PIK3AP1: variants seen among roughly 807,000 people sequenced by gnomAD.
The protein encoded by PIK3AP1 is phosphoinositide-3-kinase adaptor protein 1, also known as phosphoinositide 3-kinase adapter protein 1.
Under a neutral mutation model 88.1 loss-of-function variants are expected in PIK3AP1, and 21 were observed. The ratio of observed to expected loss-of-function variants is 0.24; its 90% CI spans 0.17 to 0.34. The LOEUF (loss-of-function observed/expected upper bound fraction) is 0.34. Among genes scored for constraint, PIK3AP1 ranks in the 10% least tolerant of loss-of-function variants. The pLI is 1.00. For missense variants in PIK3AP1, 828 were observed against 1,035.7 expected (o/e 0.80, Z 2.75); for synonymous variants, 398 against 400.0 (o/e 1.00, Z 0.06).
chr10:96,632,200 G>A (rs950700098), intron 8 of PIK3AP1, among the ~76,000 whole-genome samples: 6 of 152,116 alleles, frequency 3.9e-5, no homozygotes, highest in Admixed American at 3.3e-4. Flanking sequence ...AAAGGAGCAC[G>A]GAACAGAAAA....
intron 2 of PIK3AP1, 57 bp from the exon 3 acceptor site, chr10:96,656,991 G>A: frequency 1.3e-6 from 2 of 1,585,056 alleles, no homozygotes; most frequent in South Asian, 2.2e-5. Context: ...CTGTGGACAT[G>A]TTCCACCCCA....
intron 8 of PIK3AP1, among the ~76,000 whole-genome samples, chr10:96,639,566 T>C (rs551028196): frequency 1.4e-4 from 21 of 152,344 alleles, no homozygotes; most frequent in Admixed American, 1.0e-3. Context: ...TAAGTCCCTA[T>C]GTCCCCAACA....
At chr10:96,641,120 T>C (rs201752355) in intron 8 of PIK3AP1, among the ~76,000 whole-genome samples, 20,942 of 111,392 alleles carry the variant, frequency 0.19, 1,570 homozygotes, top group Admixed American at 0.28. Context: ...TGTGTGTGTG[T>C]GTGTGCGTGT....
chr10:96,608,317 T>C (rs936749908), intron 14 of PIK3AP1, among the ~76,000 whole-genome samples: 11 of 152,218 alleles, frequency 7.2e-5, no homozygotes, highest in African/African-American at 2.4e-4. Context: ...TTCTGCCACC[T>C]GTGATCCCTG....
At chr10:96,649,511 C>T (rs745531508) in intron 6 of PIK3AP1, among the ~76,000 whole-genome samples, 7 of 152,212 alleles carry the variant, frequency 4.6e-5, no homozygotes, top group Admixed American at 2.0e-4. Context: ...AACTTCTCTG[C>T]AAAGTTCAGA....
rs191750186 is a variant in PIK3AP1 at position 96,676,592 on chromosome 10, G to T, written c.431-19658C>A. 2.6e-5 allele frequency among the ~76,000 whole-genome samples: 4 copies of T among 150,956 alleles called. No individual in the cohort carries two copies. The East Asian group carries it at 7.8e-4, about 29-fold the overall frequency. On this transcript the variant is annotated intron_variant, in intron 2 of 16. Transcript: ENST00000339364. ...TACCTCTTTCACTGTTGCCTTAGAGGCCTTTTTTCCAACTCCCTTTTCCAA... is the reference window on the plus strand; with the variant it reads ...TACCTCTTTCACTGTTGCCTTAGAGTCCTTTTTTCCAACTCCCTTTTCCAA...
intron 9 of PIK3AP1, among the ~76,000 whole-genome samples, chr10:96,627,639 C>G (rs764347753): frequency 2.6e-5 from 4 of 152,162 alleles, no homozygotes; most frequent in East Asian, 1.9e-4. Flanking sequence ...CTTTCTATAT[C>G]TACTTGATCA....
intron 2 of PIK3AP1, among the ~76,000 whole-genome samples, chr10:96,686,686 C>A (rs944662503): frequency 6.6e-6 from 1 of 152,130 alleles, no homozygotes; most frequent in East Asian, 1.9e-4. Flanking sequence ...CTACTTTATG[C>A]CCCGACCATC....
At position 96,616,640 on chromosome 10, in the gene PIK3AP1, T is replaced by A; in HGVS notation, c.2013A>T (p.Thr671=). The A allele has an allele frequency of 1.2e-6, 2 of 1,614,098 alleles. No homozygotes were observed. The highest frequency in any genetic ancestry group is 1.7e-6 in the Non-Finnish European group (2 of 1,179,928). ...QREKQKSGKQ[T]DLEITVPIRH... ...GCAGCACCCTAGGAAGCCACATACC[T>A]GTCTGCTTTCCTGATTTTTGCTTCT... The change falls in exon 13 of 17, where the codon ACA becomes ACT. Residue 671 remains threonine (T), a splice_region_variant and synonymous_variant. Transcript: ENST00000339364.
At chr10:96,632,971 C>T in intron 8 of PIK3AP1, 3 of 1,612,864 alleles carry the variant, frequency 1.9e-6, no homozygotes, top group South Asian at 1.1e-5. Context: ...GAGAGCTGGT[C>T]TTCCTTTGAG....
rs3979613 is a variant in PIK3AP1, at chr10:96,693,441, G to GTGGATGGATGGATGGATGGATGGA, written c.430+16102_430+16125dup. 5.2e-3 allele frequency among the ~76,000 whole-genome samples: 786 copies of GTGGATGGATGGATGGATGGATGGA among 150,640 alleles called. 13 individuals are homozygous for GTGGATGGATGGATGGATGGATGGA. Among genetic ancestry groups the GTGGATGGATGGATGGATGGATGGA allele is most frequent in the African/African-American group, 0.018 (728 of 40,844 alleles). On this transcript the variant is annotated intron_variant, in intron 2 of 16. Transcript: ENST00000339364. ...GATGAATAGTTGGATAGATAGATGAGTGGATGGATGGATGGATGGATGGAT... is the reference window on the plus strand; with the variant it reads ...GATGAATAGTTGGATAGATAGATGAGTGGATGGATGGATGGATGGATGGATGGATGGATGGATGGATGGATGGAT...
rs34912752 is a variant in PIK3AP1 at position 96,642,425 on chromosome 10, C to CA, written c.1375+3047dup. Among the ~76,000 whole-genome samples, 634 of 98,912 alleles carry CA rather than the reference C, an allele frequency of 6.4e-3. 15 individuals carry two copies. Among genetic ancestry groups the CA allele is most frequent in the African/African-American group, 0.021 (572 of 27,398 alleles). 64.9% of individuals were successfully genotyped at this position (98,912 alleles called of 152,430 possible). A position where few individuals can be genotyped will look rare whatever the true frequency, so the allele number is the denominator to read the frequency against. On this transcript the variant is annotated intron_variant, in intron 8 of 16. Coordinates refer to ENST00000339364, the MANE Select transcript of PIK3AP1 (RefSeq NM_152309.3). ...TGAGCAATAGAGCCAGATGTTGTCTCAAAAAAAAAAAAAAAAAACAGAAAG... is the reference window on the plus strand; with the variant it reads ...TGAGCAATAGAGCCAGATGTTGTCTCAAAAAAAAAAAAAAAAAAACAGAAAG...
chr10:96,709,633 G>T lies in PIK3AP1; in HGVS notation c.364C>A (p.Gln122Lys). 1 of 1,614,210 alleles carries T rather than the reference G, an allele frequency of 6.2e-7. No homozygotes were observed. Among genetic ancestry groups the T allele is most frequent in the Non-Finnish European group, 8.5e-7 (1 of 1,180,032 alleles). ...LDFFPDWAHW[Q>K]ELTCDDEPET... ...GGCTCATCGTCACAGGTGAGCTCCT[G>T]CCAATGGGCCCAATCTGGAAAGAAG... is the stretch of plus-strand genomic sequence containing the variant. Residue 122 changes from glutamine to lysine, a missense_variant, in exon 2 of 17, where the codon CAG becomes AAG. Physicochemically the swap from Gln to Lys is moderately conservative, Grantham distance 53. This residue lies in a region of PIK3AP1 where 610 missense variants were observed against 760.1 expected (regional missense o/e 0.80). Transcript: ENST00000339364.
At chr10:96,679,527 CA>C (rs767346365) in intron 2 of PIK3AP1, among the ~76,000 whole-genome samples, 218 of 134,554 alleles carry the variant, frequency 1.6e-3, no homozygotes, top group African/African-American at 2.2e-3. Flanking sequence ...GACTCCGTCT[CA>C]AAAAAAAAAA....
chr10:96,718,890 C>G (rs977299673), intron 1 of PIK3AP1, among the ~76,000 whole-genome samples: 1 of 152,124 alleles, frequency 6.6e-6, no homozygotes, highest in Admixed American at 6.5e-5. Context: ...GGCCTACTCC[C>G]TTTCCTTTAA....
intron 2 of PIK3AP1, among the ~76,000 whole-genome samples, chr10:96,708,574 C>CAAAAAAAAAAAA (rs924470384): frequency 6.2e-4 from 8 of 12,816 alleles, no homozygotes; most frequent in East Asian, 2.4e-3. Flanking sequence ...GGATCTGTCT[C>CAAAAAAAAAAAA]AAAAAAAAAA....
chr10:96,615,863 C>T (rs1246950898), intron 13 of PIK3AP1, among the ~76,000 whole-genome samples: 3 of 152,114 alleles, frequency 2.0e-5, no homozygotes, highest in African/African-American at 7.2e-5. Flanking sequence ...GGAGAGAGAC[C>T]GTGGAAGCTG....
At chr10:96,635,977 G>C (rs897213437) in intron 8 of PIK3AP1, among the ~76,000 whole-genome samples, 1 of 151,652 alleles carries the variant, frequency 6.6e-6, no homozygotes, top group Admixed American at 6.6e-5. Flanking sequence ...GGAGGCCGAG[G>C]GGGGTGGATC....
At position 96,709,797 on chromosome 10, in the gene PIK3AP1, A is replaced by T; in HGVS notation, c.200T>A (p.Val67Asp). Reference sequence around the variant, plus strand: ...CAGCTCCGCGGACAGCAGCACCACGACACAGCGGGTGCTGAGGAAAAGGCT... The same window carrying T: ...CAGCTCCGCGGACAGCAGCACCACGTCACAGCGGGTGCTGAGGAAAAGGCT... ...DLSLFLSTRC[V>D]VVLLSAELVQ... Residue 67 changes from valine to aspartate, a missense_variant, in exon 2 of 17, where the codon GTC becomes GAC. By Grantham distance (152) the Val-to-Asp change is radical. Transcript: ENST00000339364. 1 of 1,613,612 alleles carries T rather than the reference A, an allele frequency of 6.2e-7. No individual in the cohort carries two copies.
Sources: gnomAD v4.1 joint callset for allele counts (sites outside exome capture counted in the v4.1 genomes callset) on GRCh38, gnomAD v4.1.1 for gene constraint, gnomAD v4.1.1 regional missense constraint, MANE v1.5 for transcripts, NCBI Gene and HGNC (gene_info 2026-07-23, HGNC 2026-07-21) for gene names.